BUB3: variants seen among roughly 807,000 people sequenced by gnomAD.
BUB3 encodes the protein mitotic checkpoint protein BUB3.
Under a neutral mutation model 39.9 loss-of-function variants are expected in BUB3, and 22 were observed. The ratio of observed to expected loss-of-function variants is 0.55; its 90% CI spans 0.39 to 0.79. The LOEUF is 0.79. Among genes scored for constraint, BUB3 ranks in the 30% least tolerant of loss-of-function variants. The pLI is 0.00. For missense variants in BUB3, 303 were observed against 415.4 expected (o/e 0.73, Z 2.35); for synonymous variants, 168 against 155.1 (o/e 1.08, Z -0.62).
intron 5 of BUB3, among the ~76,000 whole-genome samples, chr10:123,160,972 C>G (rs564703056): frequency 6.6e-6 from 1 of 151,694 alleles, no homozygotes; most frequent in African/African-American, 2.4e-5. Context: ...TTCTTTTTGC[C>G]TTTTTGTAAC....
chr10:123,159,428 G>A (rs1482837536), intron 4 of BUB3, among the ~76,000 whole-genome samples: 1 of 152,164 alleles, frequency 6.6e-6, no homozygotes, highest in African/African-American at 2.4e-5. Context: ...AGTCAGATTA[G>A]AGTTTCTTAT....
At position 123,164,518 on chromosome 10, in the gene BUB3, T is replaced by G; in HGVS notation, c.*683T>G. On this transcript the variant is annotated 3_prime_UTR_variant, in exon 8 of 8. Transcript: ENST00000368865. ...AAACAATTGATCCCAGAAGGGCAAA[T>G]TGTTTGAGTCAGTAATGAGCTGAGA... 1.0e-6 allele frequency: 1 copy of G among 985,768 alleles called. No individual in the cohort carries two copies. The highest frequency in any genetic ancestry group is 1.7e-5 in the African/African-American group (1 of 57,342). The allele number at this position is 985,768 out of a possible 1,614,324, so 61.1% of individuals were successfully genotyped here.
intron 5 of BUB3, among the ~76,000 whole-genome samples, chr10:123,161,177 T>G (rs1403780349): frequency 6.6e-6 from 1 of 152,198 alleles, no homozygotes; most frequent in Non-Finnish European, 1.5e-5. Context: ...CCTCAAGTCC[T>G]TAAAGTTCTA....
chr10:123,155,562 A>T, intron 2 of BUB3, 96 bp from the exon 3 acceptor site: 1 of 1,184,174 alleles, frequency 8.4e-7, no homozygotes, highest in South Asian at 1.3e-5. Context: ...CCCAGTGCAT[A>T]TCCCGAGCAT....
Position 123,164,266 on chromosome 10 carries a change from A to G in BUB3, c.*431A>G, listed in dbSNP as rs1440829427. Reference sequence around the variant, plus strand: ...TAGTTGCTAATTCTAAAGCTGCTTCAGACTGCTTCATGAGGAGGTTAATCT... The same window carrying G: ...TAGTTGCTAATTCTAAAGCTGCTTCGGACTGCTTCATGAGGAGGTTAATCT... On this transcript the variant is annotated 3_prime_UTR_variant, in exon 8 of 8. Coordinates refer to ENST00000368865, the MANE Select transcript of BUB3 (RefSeq NM_004725.4). 8.1e-6 allele frequency: 8 copies of G among 988,042 alleles called. No individual in the cohort carries two copies. In the African/African-American group the frequency reaches 1.2e-4, roughly 15 times the overall value. 61.2% of individuals were successfully genotyped at this position (988,042 alleles called of 1,614,324 possible).
In BUB3 at chr10:123,160,559, C is replaced by G; in HGVS notation, c.570C>G (p.Asn190Lys). The change falls in exon 5 of 8, where the codon AAC becomes AAG. Residue 190 changes from asparagine (N) to lysine (K), a missense_variant. By Grantham distance (94) the Asn-to-Lys change is moderately conservative. Transcript: ENST00000368865. ...YQTRCIRAFP[N>K]KQGYVLSSIE... ...CTCGCTGCATACGAGCGTTTCCAAA[C>G]AAGCAGGTATTGAACTATACCTCCT... is the stretch of plus-strand genomic sequence containing the variant. The G allele has an allele frequency of 6.3e-7, 1 of 1,594,858 alleles. No individual in the cohort carries two copies. Among genetic ancestry groups the G allele is most frequent in the Non-Finnish European group, 8.5e-7 (1 of 1,173,220 alleles).
Position 123,164,397 on chromosome 10 carries a change from A to T in BUB3, c.*562A>T. 1 of 985,640 alleles carries T rather than the reference A, an allele frequency of 1.0e-6. No homozygotes were observed. Among genetic ancestry groups the T allele is most frequent in the Non-Finnish European group, 1.2e-6 (1 of 830,100 alleles). The allele number at this position is 985,640 out of a possible 1,614,324, so 61.1% of individuals were successfully genotyped here. A position where few individuals can be genotyped will look rare whatever the true frequency, so the allele number is the denominator to read the frequency against. ...GCGAGGTTAAGGTTAGACTCTTGGGAATCAGCTAGTTTTCAATCTTATTAG... is the reference window on the plus strand; with the variant it reads ...GCGAGGTTAAGGTTAGACTCTTGGGTATCAGCTAGTTTTCAATCTTATTAG... On this transcript the variant is annotated 3_prime_UTR_variant, in exon 8 of 8. Coordinates refer to ENST00000368865, the MANE Select transcript of BUB3 (RefSeq NM_004725.4).
chr10:123,170,408 A>G lies in BUB3; in HGVS notation c.*6573A>G, dbSNP rs184055194. 4 of 152,326 alleles carry G rather than the reference A, an allele frequency of 2.6e-5. No individual in the cohort carries two copies. Among genetic ancestry groups the G allele is most frequent in the Admixed American group, 6.5e-5 (1 of 15,304 alleles). The allele number at this position is 152,326 out of a possible 1,614,324, so 9.4% of individuals were successfully genotyped here. Reference sequence around the variant, plus strand: ...CCCATAAACCCACTGTTTAGATTTTAAAAAGTTCAATGTTTTTCTGTATTT... The same window carrying G: ...CCCATAAACCCACTGTTTAGATTTTGAAAAGTTCAATGTTTTTCTGTATTT... On this transcript the variant is annotated 3_prime_UTR_variant, in exon 8 of 8. Coordinates refer to ENST00000368865, the MANE Select transcript of BUB3 (RefSeq NM_004725.4).
intron 4 of BUB3, 106 bp from the exon 5 acceptor site, chr10:123,160,301 C>T: frequency 1.1e-5 from 11 of 1,020,682 alleles, no homozygotes; most frequent in African/African-American, 1.6e-5. Context: ...GGAATTCAGT[C>T]AGCTAATTTT....
chr10:123,164,695 C>T lies in BUB3; in HGVS notation c.*860C>T. ...ATATTTCTCTGACATTTATATAGTT[C>T]TTATGTCCATTTCAGTTGACCAGCC... On this transcript the variant is annotated 3_prime_UTR_variant, in exon 8 of 8. Transcript: ENST00000368865. 9.6e-7 allele frequency: 1 copy of T among 1,036,904 alleles called. No individual in the cohort carries two copies. The highest frequency in any genetic ancestry group is 1.2e-6 in the Non-Finnish European group (1 of 862,846). The allele number at this position is 1,036,904 out of a possible 1,614,324, so 64.2% of individuals were successfully genotyped here.
intron 4 of BUB3, 68 bp downstream of exon 4, chr10:123,157,948 T>C (rs1844370574): frequency 4.9e-6 from 7 of 1,421,638 alleles, no homozygotes; most frequent in Non-Finnish European, 6.5e-6. Context: ...TGCATGATTG[T>C]TGACTATGCT....
intron 5 of BUB3, among the ~76,000 whole-genome samples, 176 bp downstream of exon 5, chr10:123,160,741 G>A (rs1844410794): frequency 6.6e-6 from 1 of 151,836 alleles, no homozygotes; most frequent in South Asian, 2.1e-4. Flanking sequence ...AACAGGAAGT[G>A]CGTTAACCCC....
rs764640095 is a variant in BUB3 at position 123,164,631 on chromosome 10, A to G, written c.*796A>G. 127 of 993,022 alleles carry G rather than the reference A, an allele frequency of 1.3e-4. 1 individual carries two copies. Among genetic ancestry groups the G allele is most frequent in the Admixed American group, 3.5e-4 (6 of 17,040 alleles). The allele number at this position is 993,022 out of a possible 1,614,324, so 61.5% of individuals were successfully genotyped here. A position where few individuals can be genotyped will look rare whatever the true frequency, so the allele number is the denominator to read the frequency against. ...CAGGCATCTATTTGGACCTGTTTCT[A>G]TCTCTAAATGAATTTTTGGAAACAT... On this transcript the variant is annotated 3_prime_UTR_variant, in exon 8 of 8. Transcript: ENST00000368865.
At chr10:123,161,927 G>T (rs1342718136) in intron 5 of BUB3, among the ~76,000 whole-genome samples, 1 of 152,220 alleles carries the variant, frequency 6.6e-6, no homozygotes, top group African/African-American at 2.4e-5. Flanking sequence ...ATTTGAGTCT[G>T]CTGGGCAGGA....
chr10:123,163,954 C>A lies in BUB3; in HGVS notation c.*119C>A. The A allele has an allele frequency of 1.5e-6, 2 of 1,322,394 alleles. No homozygotes were observed. The highest frequency in any genetic ancestry group is 2.0e-6 in the Non-Finnish European group (2 of 1,018,034). 81.9% of individuals were successfully genotyped at this position (1,322,394 alleles called of 1,614,324 possible). A position where few individuals can be genotyped will look rare whatever the true frequency, so the allele number is the denominator to read the frequency against. Reference sequence around the variant, plus strand: ...AATATTAATTTTAATATTATAACAACCTGAAAATAATGGAAAAGAGGTTTT... The same window carrying A: ...AATATTAATTTTAATATTATAACAAACTGAAAATAATGGAAAAGAGGTTTT... On this transcript the variant is annotated 3_prime_UTR_variant, in exon 8 of 8. Transcript: ENST00000368865.
chr10:123,156,569 C>G (rs961383543), intron 3 of BUB3, among the ~76,000 whole-genome samples: 2 of 152,138 alleles, frequency 1.3e-5, no homozygotes, highest in Non-Finnish European at 2.9e-5. Context: ...TTTTGTTTGC[C>G]AGTAGCTTAC....
At position 123,162,742 on chromosome 10, in the gene BUB3, A is replaced by C. The variant is rs755147507; in HGVS notation, c.885A>C (p.Ser295=). The stretch of plus-strand genomic sequence containing the variant: ...ATGGGACTACGCTTGCAATAGCGTC[A>C]TCATATATGTATGAAATGGATGACA... ...SNDGTTLAIA[S]SYMYEMDDTE... is the part of the protein sequence containing the mutation. Residue 295 remains serine, a synonymous_variant, in exon 7 of 8, where the codon TCA becomes TCC. Coordinates refer to ENST00000368865, the MANE Select transcript of BUB3 (RefSeq NM_004725.4). The C allele has an allele frequency of 5.0e-6, 8 of 1,614,020 alleles. No homozygotes were observed. In the South Asian group the frequency reaches 8.8e-5, roughly 18 times the overall value.
chr10:123,162,855 C>G (rs761029872), intron 7 of BUB3, 27 bp downstream of exon 7: 1 of 1,586,724 alleles, frequency 6.3e-7, no homozygotes, highest in Non-Finnish European at 8.6e-7. Flanking sequence ...TGTATTTGAG[C>G]CTTTTCTTGC....
chr10:123,162,662 CTG>C lies in BUB3; in HGVS notation c.808_809del (p.Cys270ProfsTer16). ...NIWDPFNKKRLCQFHRYPTSI... is the reference protein window; with the variant it reads ...NIWDPFNKKRXCQFHRYPTSI... ...TTGGGATCCATTTAACAAAAAGCGA[CTG>C]TGCCAATTCCATCGGTACCCCACGA... On this transcript the variant is annotated frameshift_variant, in exon 7 of 8. Transcript: ENST00000368865. LOFTEE classifies it high-confidence loss of function. The C allele has an allele frequency of 6.3e-7, 1 of 1,599,390 alleles. No homozygotes were observed. Among genetic ancestry groups the C allele is most frequent in the Non-Finnish European group, 8.5e-7 (1 of 1,176,674 alleles).
Sources: gnomAD v4.1 joint callset for allele counts (sites outside exome capture counted in the v4.1 genomes callset) on GRCh38, gnomAD v4.1.1 for gene constraint, MANE v1.5 for transcripts, NCBI Gene and HGNC (gene_info 2026-07-23, HGNC 2026-07-21) for gene names.